DLGAP2: variants seen among roughly 807,000 people sequenced by gnomAD.
DLGAP2 encodes DLG associated protein 2.
Under a neutral mutation model 100.3 loss-of-function variants are expected in DLGAP2, and 26 were observed. The ratio of observed to expected loss-of-function variants is 0.26; its 90% CI spans 0.19 to 0.36. DLGAP2 has a LOEUF of 0.36. DLGAP2 is among the 10% of genes least tolerant of loss of function. DLGAP2 has a pLI of 1.00. For missense variants in DLGAP2, 1,858 were observed against 1,453.2 expected (o/e 1.28, Z -4.53); for synonymous variants, 886 against 630.1 (o/e 1.41, Z -6.08).
Position 1,549,251 on chromosome 8 carries a change from C to G in DLGAP2, c.798C>G (p.His266Gln). The change falls in exon 5 of 15, where the codon CAC becomes CAG. Residue 266 changes from histidine to glutamine, a missense_variant. Transcript: ENST00000637795. The stretch of plus-strand genomic sequence containing the variant: ...AGGCGGACGGCCGGGCGGACGACCA[C>G]CACCACGCCCACCACGCCAAGCACA... The part of the protein sequence containing the change: ...GTKADGRADD[H>Q]HHAHHAKHSK... 1 of 1,609,494 alleles carries G rather than the reference C, an allele frequency of 6.2e-7. No individual in the cohort carries two copies. The highest frequency in any genetic ancestry group is 8.5e-7 in the Non-Finnish European group (1 of 1,178,800).
intron 1 of DLGAP2, among the ~76,000 whole-genome samples, chr8:906,494 T>G (rs1035939047): frequency 1.3e-5 from 2 of 152,204 alleles, no homozygotes; most frequent in Non-Finnish European, 2.9e-5. Flanking sequence ...AGAGGGCAGA[T>G]CTGCGAGGAG....
At chr8:1,577,917 G>C (rs1387468315) in intron 6 of DLGAP2, among the ~76,000 whole-genome samples, 4 of 152,216 alleles carry the variant, frequency 2.6e-5, no homozygotes, top group Non-Finnish European at 5.9e-5. Context: ...ACCAGCGCGA[G>C]TGCTCATAGC....
At chr8:1,065,371 C>G (rs1362996637) in intron 2 of DLGAP2, among the ~76,000 whole-genome samples, 1 of 152,204 alleles carries the variant, frequency 6.6e-6, no homozygotes, top group Non-Finnish European at 1.5e-5. Context: ...ATTTAGAGAA[C>G]AGTTATTGTG....
intron 3 of DLGAP2, among the ~76,000 whole-genome samples, chr8:1,263,134 G>A (rs1300587228): frequency 3.3e-5 from 5 of 152,044 alleles, no homozygotes; most frequent in Non-Finnish European, 5.9e-5. Context: ...AAAAATGTTG[G>A]GATACGTTGA....
At chr8:1,436,558 A>G (rs1205165330) in intron 3 of DLGAP2, among the ~76,000 whole-genome samples, 2 of 152,226 alleles carry the variant, frequency 1.3e-5, no homozygotes, top group South Asian at 2.1e-4. Flanking sequence ...CTTCAATCCA[A>G]TCAGGTTGAC....
intron 3 of DLGAP2, among the ~76,000 whole-genome samples, chr8:1,337,389 G>A (rs1801305063): frequency 2.7e-4 from 1 of 3,752 alleles, no homozygotes; most frequent in Admixed American, 3.9e-3. Context: ...TGGTGATGGT[G>A]AGGATGATGG....
chr8:976,711 G>A (rs947529604), intron 2 of DLGAP2, among the ~76,000 whole-genome samples: 6 of 152,114 alleles, frequency 3.9e-5, no homozygotes, highest in African/African-American at 1.2e-4. Context: ...TTTCAAAAAC[G>A]GTGCTGGAAC....
chr8:985,784 T>A (rs1367636987), intron 2 of DLGAP2, among the ~76,000 whole-genome samples: 3 of 152,168 alleles, frequency 2.0e-5, no homozygotes, highest in Admixed American at 6.5e-5. Flanking sequence ...TCCCAGTGTT[T>A]CCCCAGATGT....
intron 2 of DLGAP2, among the ~76,000 whole-genome samples, chr8:1,089,679 A>G (rs935074063): frequency 3.9e-5 from 6 of 152,266 alleles, no homozygotes; most frequent in African/African-American, 1.4e-4. Flanking sequence ...CTGTTCTTAT[A>G]AATGCTGTGT....
chr8:1,665,050 A>C (rs1486059362), intron 8 of DLGAP2, among the ~76,000 whole-genome samples: 2 of 152,226 alleles, frequency 1.3e-5, no homozygotes, highest in East Asian at 3.8e-4. Flanking sequence ...AAATCAGTTT[A>C]AAAAATCATT....
rs77629928 is a variant in DLGAP2 at position 1,463,136 on chromosome 8, C to G, written c.107-38230C>G. 1.5e-3 allele frequency among the ~76,000 whole-genome samples: 234 copies of G among 152,256 alleles called. No individual in the cohort carries two copies. The East Asian group carries it at 0.03, about 20-fold the overall frequency. On this transcript the variant is annotated intron_variant, in intron 3 of 14. Coordinates refer to ENST00000637795, the MANE Select transcript of DLGAP2 (RefSeq NM_001346810.2). ...TGGTGGTGTGTGCCCGTAATCCCCG[C>G]TACTCGGGAGGCTGAGGCAGGAGAA...
Position 1,340,458 on chromosome 8 carries a change from C to A in DLGAP2, c.106+81575C>A, listed in dbSNP as rs547738072. On this transcript the variant is annotated intron_variant, in intron 3 of 14. Coordinates refer to ENST00000637795, the MANE Select transcript of DLGAP2 (RefSeq NM_001346810.2). ...TTTTCAAAAGAAGACATATGTGCAG[C>A]CAGCAGTCGTTTGAAGAAAAGCTCA... is the stretch of plus-strand genomic sequence containing the variant. 2.0e-5 allele frequency among the ~76,000 whole-genome samples: 3 copies of A among 152,310 alleles called. No homozygotes were observed. In the South Asian group the frequency reaches 6.2e-4, roughly 32 times the overall value.
intron 2 of DLGAP2, among the ~76,000 whole-genome samples, chr8:938,527 T>C (rs549755810): frequency 8.6e-5 from 13 of 151,556 alleles, no homozygotes; most frequent in Non-Finnish European, 1.9e-4. Flanking sequence ...ACGGTGGGGG[T>C]AGGGAAGGGA....
At chr8:1,068,732 C>A (rs1277358574) in intron 2 of DLGAP2, among the ~76,000 whole-genome samples, 1 of 152,092 alleles carries the variant, frequency 6.6e-6, no homozygotes, top group East Asian at 1.9e-4. Flanking sequence ...AGGGGCTCAG[C>A]GCATGTGGGT....
At position 1,410,353 on chromosome 8, in the gene DLGAP2, G is replaced by C. The variant is rs543724678; in HGVS notation, c.107-91013G>C. On this transcript the variant is annotated intron_variant, in intron 3 of 14. Transcript: ENST00000637795. The stretch of plus-strand genomic sequence containing the variant: ...GGCACCGTGGCCCAGGCAGCCTCAC[G>C]GTGAGGAGCTCCCAGCAGAGCAGAC... Among the ~76,000 whole-genome samples the C allele has an allele frequency of 4.6e-5, 7 of 152,278 alleles. No homozygotes were observed. The East Asian group carries it at 1.2e-3, about 25-fold the overall frequency.
chr8:1,568,340 TC>T lies in DLGAP2; in HGVS notation c.1442+2447del, dbSNP rs1802496565. ...GTCCACTCAGCAGACACAAATCCAC[TC>T]TGCCCGTGGCCCCCATGCCACTGTC... is the stretch of plus-strand genomic sequence containing the variant. On this transcript the variant is annotated intron_variant, in intron 6 of 14. Transcript: ENST00000637795. Among the ~76,000 whole-genome samples the T allele has an allele frequency of 6.5e-5, 4 of 61,536 alleles. No individual in the cohort carries two copies. The East Asian group carries it at 1.4e-3, about 21-fold the overall frequency. 40.4% of individuals were successfully genotyped at this position (61,536 alleles called of 152,430 possible). A position where few individuals can be genotyped will look rare whatever the true frequency, so the allele number is the denominator to read the frequency against.
At chr8:950,663 C>T (rs1415698710) in intron 2 of DLGAP2, among the ~76,000 whole-genome samples, 4 of 149,694 alleles carry the variant, frequency 2.7e-5, no homozygotes, top group Non-Finnish European at 5.9e-5. Flanking sequence ...GCTCTGTCAC[C>T]CAGGCTGGAG....
At chr8:1,390,276 A>G (rs1408097304) in intron 3 of DLGAP2, among the ~76,000 whole-genome samples, 1 of 152,118 alleles carries the variant, frequency 6.6e-6, no homozygotes, top group Non-Finnish European at 1.5e-5. Context: ...AGGCGCAGAA[A>G]TGTGTCTGTC....
intron 4 of DLGAP2, among the ~76,000 whole-genome samples, chr8:1,510,800 C>T (rs1242496386): frequency 3.3e-5 from 5 of 152,180 alleles, no homozygotes; most frequent in Non-Finnish European, 5.9e-5. Context: ...ATTATATGTC[C>T]AAGTCCAGGA....
Sources: allele counts gnomAD v4.1 joint callset (sites outside exome capture counted in the v4.1 genomes callset), GRCh38; gene constraint gnomAD v4.1.1; transcripts MANE v1.5; gene names NCBI Gene and HGNC (gene_info 2026-07-23, HGNC 2026-07-21).